STARD13: variants seen among roughly 807,000 people sequenced by gnomAD.
STARD13 encodes the protein stAR-related lipid transfer protein 13.
A neutral mutation model predicts 106.4 loss-of-function variants in STARD13; 62 were observed. The ratio of observed to expected loss-of-function variants is 0.58; its 90% CI spans 0.48 to 0.72. The LOEUF (loss-of-function observed/expected upper bound fraction) is 0.72. Ranked by LOEUF, STARD13 falls within the 30% of genes least tolerant of loss-of-function variation. STARD13 has a pLI of 0.00. For synonymous variants in STARD13, 565 were observed against 553.0 expected, an observed-to-expected ratio of 1.02 and a Z score of -0.31; for missense variants, 1,387 against 1,424.0, an observed-to-expected ratio of 0.97 and a Z score of 0.42.
At chr13:33,372,641 G>A in the STARD13 span, among the ~76,000 whole-genome samples, 24,811 of 151,292 alleles carry the variant, frequency 0.16, 2,158 homozygotes, top group Middle Eastern at 0.23. Context: ...TCCACAGAAG[G>A]CACATGGTTA....
At chr13:33,562,414 C>T in the STARD13 span, among the ~76,000 whole-genome samples, 2 of 146,800 alleles carry the variant, frequency 1.4e-5, no homozygotes, top group South Asian at 4.3e-4. Flanking sequence ...GTCTATCTAA[C>T]ACTTAAGCTC....
At chr13:33,140,356 T>C (rs1879654680) in intron 4 of STARD13, among the ~76,000 whole-genome samples, 1 of 152,242 alleles carries the variant, frequency 6.6e-6, no homozygotes, top group South Asian at 2.1e-4. Context: ...TTCAGTTTAA[T>C]AGGAACCATG....
chr13:33,227,636 A>G (rs1404207029), intron 1 of STARD13, among the ~76,000 whole-genome samples: 1 of 152,172 alleles, frequency 6.6e-6, no homozygotes, highest in Non-Finnish European at 1.5e-5. Context: ...AATACCCTGA[A>G]AAAGGTAATT....
At chr13:33,419,432 A>G in the STARD13 span, among the ~76,000 whole-genome samples, 26 of 152,336 alleles carry the variant, frequency 1.7e-4, no homozygotes, top group East Asian at 4.4e-3. Context: ...AAGAGTAGAA[A>G]GAAATGAACA....
chr13:33,622,614 CAAAAAAA>C, the STARD13 span, among the ~76,000 whole-genome samples: 1,053 of 28,232 alleles, frequency 0.037, 14 homozygotes, highest in African/African-American at 0.1. Flanking sequence ...GACTCCGTCT[CAAAAAAA>C]AAAAAAAAAA....
chr13:33,350,480 A>C, exon 1 of STARD13: 1 of 1,471,550 alleles, frequency 6.8e-7, no homozygotes, highest in Non-Finnish European at 9.0e-7. Context: ...CGCGACTCAG[A>C]CTCCCGGCGA....
intron 1 of STARD13, among the ~76,000 whole-genome samples, chr13:33,314,492 T>C (rs1170324281): frequency 6.6e-6 from 1 of 152,190 alleles, no homozygotes; most frequent in Non-Finnish European, 1.5e-5. Flanking sequence ...GCCAGTTATC[T>C]GAATCAAGAC....
At chr13:33,241,611 C>T (rs1014003313) in intron 1 of STARD13, among the ~76,000 whole-genome samples, 1 of 149,722 alleles carries the variant, frequency 6.7e-6, no homozygotes, top group South Asian at 2.2e-4. Context: ...GACCATACTG[C>T]CGCCATCTCA....
chr13:33,244,290 A>C (rs1302537764), intron 1 of STARD13, among the ~76,000 whole-genome samples: 1 of 151,960 alleles, frequency 6.6e-6, no homozygotes, highest in African/African-American at 2.4e-5. Context: ...GGATAGGTTA[A>C]TAATTTTTCC....
chr13:33,211,176 A>G (rs1189316907), intron 1 of STARD13, among the ~76,000 whole-genome samples: 1 of 151,232 alleles, frequency 6.6e-6, no homozygotes, highest in Non-Finnish European at 1.5e-5. Context: ...AATCTTTAAT[A>G]TATTATTTTA....
intron 1 of STARD13, among the ~76,000 whole-genome samples, chr13:33,196,793 A>G (rs1886654611): frequency 6.6e-6 from 1 of 152,210 alleles, no homozygotes; most frequent in Non-Finnish European, 1.5e-5. Flanking sequence ...TACTCCTAGT[A>G]CTGGCCCTGT....
At chr13:33,114,163 A>G (rs1875024531) in intron 8 of STARD13, among the ~76,000 whole-genome samples, 1 of 152,256 alleles carries the variant, frequency 6.6e-6, no homozygotes, top group East Asian at 1.9e-4. Context: ...TATTTATATT[A>G]CTAAACATAA....
At chr13:33,247,186 G>A (rs1889866019) in intron 1 of STARD13, among the ~76,000 whole-genome samples, 1 of 151,758 alleles carries the variant, frequency 6.6e-6, no homozygotes, top group Admixed American at 6.6e-5. Flanking sequence ...GACAGAGTGA[G>A]ACTCTGTCTC....
intron 1 of STARD13, among the ~76,000 whole-genome samples, chr13:33,268,766 T>C (rs1253424401): frequency 6.6e-6 from 1 of 152,252 alleles, no homozygotes; most frequent in Non-Finnish European, 1.5e-5. Context: ...TGAAAGATTC[T>C]TTCTCCAATA....
At chr13:33,216,988 T>G (rs983225731) in intron 1 of STARD13, among the ~76,000 whole-genome samples, 28 of 152,170 alleles carry the variant, frequency 1.8e-4, no homozygotes, top group African/African-American at 6.8e-4. Context: ...GGTTGCCAGG[T>G]GGAGGGTGCT....
At chr13:33,198,447 A>G (rs1220657745) in intron 1 of STARD13, among the ~76,000 whole-genome samples, 2 of 151,920 alleles carry the variant, frequency 1.3e-5, no homozygotes, top group African/African-American at 4.8e-5. Context: ...CCCTGCCTAA[A>G]GCCTCCTTCC....
At chr13:33,447,219 A>T in the STARD13 span, among the ~76,000 whole-genome samples, 2 of 152,254 alleles carry the variant, frequency 1.3e-5, no homozygotes, top group African/African-American at 4.8e-5. Flanking sequence ...AACCGCAAGG[A>T]CCTAAAAACG....
chr13:33,441,426 T>C, the STARD13 span, among the ~76,000 whole-genome samples: 4 of 152,162 alleles, frequency 2.6e-5, 1 homozygote, highest in Admixed American at 2.0e-4. Context: ...GTTAAGATAA[T>C]ATGTTTAGCA....
At chr13:33,250,352 G>T (rs185574559) in intron 1 of STARD13, among the ~76,000 whole-genome samples, 1 of 152,222 alleles carries the variant, frequency 6.6e-6, no homozygotes, top group Non-Finnish European at 1.5e-5. Context: ...TAAGAATTAA[G>T]TGTGTGTCTC....
Sources: allele counts gnomAD v4.1 joint callset (sites outside exome capture counted in the v4.1 genomes callset), GRCh38; gene constraint gnomAD v4.1.1; transcripts MANE v1.5; gene names NCBI Gene and HGNC (gene_info 2026-07-23, HGNC 2026-07-21).